The following DAPP1 variants were observed in gnomAD, a reference collection of about 807,000 sequenced individuals.
The protein encoded by DAPP1 is dual adapter for phosphotyrosine and 3-phosphotyrosine and 3-phosphoinositide.
A neutral mutation model predicts 41.5 loss-of-function variants in DAPP1; 20 were observed. The observed-to-expected ratio is 0.48, with a 90% confidence interval of 0.34 to 0.70. The LOEUF is 0.70. DAPP1 is among the 30% of genes least tolerant of loss of function. The pLI, the probability that DAPP1 is intolerant of heterozygous loss-of-function variation, is 0.01. For synonymous variants in DAPP1, 113 were observed against 116.2 expected, an observed-to-expected ratio of 0.97 and a Z score of 0.18; for missense variants, 233 against 333.4, an observed-to-expected ratio of 0.70 and a Z score of 2.35.
At chr4:99,844,302 C>T (rs947418529) in intron 3 of DAPP1, 2 of 152,202 alleles carry the variant, frequency 1.3e-5, no homozygotes, top group African/African-American at 2.4e-5. Context: ...AAGGCTTCAC[C>T]TCAGTGGGCA....
intron 7 of DAPP1, 118 bp from the exon 8 acceptor site, chr4:99,865,916 T>TATATA (rs1553942186): frequency 4.0e-4 from 34 of 85,238 alleles, no homozygotes; most frequent in East Asian, 1.6e-3. Context: ...TATATATATA[T>TATATA]ATATATATAA....
intron 2 of DAPP1, among the ~76,000 whole-genome samples, chr4:99,838,722 C>G (rs1055280296): frequency 6.6e-6 from 1 of 152,228 alleles, no homozygotes; most frequent in Non-Finnish European, 1.5e-5. Context: ...GGTACCCAGT[C>G]TGCAGCCCCA....
At chr4:99,832,975 T>C (rs1342840078) in intron 1 of DAPP1, among the ~76,000 whole-genome samples, 1 of 152,242 alleles carries the variant, frequency 6.6e-6, no homozygotes, top group Non-Finnish European at 1.5e-5. Flanking sequence ...CAAAGGAATG[T>C]CCAAATCCTT....
At chr4:99,853,557 C>T (rs1723942955) in intron 4 of DAPP1, among the ~76,000 whole-genome samples, 1 of 152,218 alleles carries the variant, frequency 6.6e-6, no homozygotes, top group African/African-American at 2.4e-5. Context: ...CATGGTGGTT[C>T]ATGCCTGTAA....
Sources: allele counts gnomAD v4.1 joint callset (sites outside exome capture counted in the v4.1 genomes callset), GRCh38; gene constraint gnomAD v4.1.1; transcripts MANE v1.5; gene names NCBI Gene and HGNC (gene_info 2026-07-23, HGNC 2026-07-21).